The following CLCN7 variants were observed in gnomAD, a reference collection of about 807,000 sequenced individuals.
CLCN7 encodes the protein H(+)/Cl(-) exchange transporter 7.
A neutral mutation model predicts 102.1 loss-of-function variants in CLCN7; 60 were observed. That is an observed-to-expected ratio of 0.59 (90% CI 0.48 to 0.73). The LOEUF is 0.73. Among genes scored for constraint, CLCN7 ranks in the 30% least tolerant of loss-of-function variants. The probability of loss-of-function intolerance (pLI) is 0.00; values close to 1 mark genes in which losing one functional copy is unlikely to be tolerated. For missense variants in CLCN7, 962 were observed against 1,125.7 expected, an observed-to-expected ratio of 0.85 and a Z score of 2.08; for synonymous variants, 560 against 490.5, an observed-to-expected ratio of 1.14 and a Z score of -1.87.
At chr16:1,454,171 C>T (rs1389715068) in intron 13 of CLCN7, among the ~76,000 whole-genome samples, 1 of 152,274 alleles carries the variant, frequency 6.6e-6, no homozygotes, top group Non-Finnish European at 1.5e-5. Flanking sequence ...AAATCCCATC[C>T]ATCCCTGCAG....
Position 1,446,677 on chromosome 16 carries a change from C to T in CLCN7, c.2372G>A (p.Arg791His), listed in dbSNP as rs566172344. 8.2e-6 allele frequency: 13 copies of T among 1,588,270 alleles called. No individual in the cohort carries two copies. The highest frequency in any genetic ancestry group is 1.7e-4 in the Middle Eastern group (1 of 6,036). The change falls in exon 25 of 25, where the codon CGC becomes CAC. Residue 791 changes from arginine (R) to histidine (H), a missense_variant. Coordinates refer to ENST00000382745, the MANE Select transcript of CLCN7 (RefSeq NM_001287.6). Reference protein sequence around the residue: ...LVTRKDLARYRLGKRGLEELS... With the variant: ...LVTRKDLARYHLGKRGLEELS... ...CTCCTCCAAGCCTCTCTTTCCCAGGCGGTACCTGGCGAGGTCCTTCCTGGT... is the reference window on the plus strand; with the variant it reads ...CTCCTCCAAGCCTCTCTTTCCCAGGTGGTACCTGGCGAGGTCCTTCCTGGT...
intron 6 of CLCN7, 74 bp downstream of exon 6, chr16:1,460,344 G>A (rs1358978042): frequency 3.6e-6 from 4 of 1,109,898 alleles, no homozygotes; most frequent in African/African-American, 3.1e-5. Flanking sequence ...GTGAGCTGCA[G>A]GGGTTCCCGC....
Position 1,448,956 on chromosome 16 carries a change from C to T in CLCN7, c.1797+10G>A, listed in dbSNP as rs762957941. On this transcript the variant is annotated intron_variant, in intron 19 of 24. Transcript: ENST00000382745. The stretch of plus-strand genomic sequence containing the variant: ...CGCTCTCAGGGTGAGGCTTCGAGGC[C>T]CTGGCGCACCTCAATGAAGACGTCG... The T allele has an allele frequency of 2.5e-6, 4 of 1,612,244 alleles. No individual in the cohort carries two copies. In the Admixed American group the frequency reaches 6.7e-5, roughly 27 times the overall value.
At chr16:1,464,051 G>GA (rs1288053380) in intron 2 of CLCN7, among the ~76,000 whole-genome samples, 1 of 151,982 alleles carries the variant, frequency 6.6e-6, no homozygotes, top group African/African-American at 2.4e-5. Context: ...TTACAGGCAC[G>GA]AATCACCTCC....
intron 1 of CLCN7, among the ~76,000 whole-genome samples, chr16:1,469,706 AAAAAACC>A (rs958598364): frequency 3.3e-5 from 5 of 152,258 alleles, no homozygotes; most frequent in African/African-American, 7.2e-5. Context: ...AAAAATAAAC[AAAAAACC>A]AAAAACCAAA....
rs903021510 is a variant in CLCN7, at chr16:1,446,229, G to A, written c.*402C>T. The A allele has an allele frequency of 3.1e-6, 2 of 648,430 alleles. No homozygotes were observed. The highest frequency in any genetic ancestry group is 5.5e-6 in the Non-Finnish European group (2 of 361,142). The allele number at this position is 648,430 out of a possible 1,614,324, so 40.2% of individuals were successfully genotyped here. On this transcript the variant is annotated 3_prime_UTR_variant, in exon 25 of 25. Coordinates refer to ENST00000382745, the MANE Select transcript of CLCN7 (RefSeq NM_001287.6). ...GTGGAGGCAGAGGGGCCCTTCCAGGGCAGGGCAGCCCTCGGGGCAGCAGCA... is the reference window on the plus strand; with the variant it reads ...GTGGAGGCAGAGGGGCCCTTCCAGGACAGGGCAGCCCTCGGGGCAGCAGCA...
At chr16:1,452,237 G>A (rs1434258565) in intron 15 of CLCN7, 4 of 232,254 alleles carry the variant, frequency 1.7e-5, no homozygotes, top group Non-Finnish European at 2.6e-5. Context: ...CACTCCCGCC[G>A]TGGCACCCAC....
chr16:1,473,866 C>G (rs1002249371), intron 1 of CLCN7, among the ~76,000 whole-genome samples: 2 of 151,896 alleles, frequency 1.3e-5, no homozygotes, highest in Admixed American at 1.3e-4. Flanking sequence ...CGGGGGATCA[C>G]GTGAGGTCGG....
At position 1,474,870 on chromosome 16, in the gene CLCN7, C is replaced by T. The variant is rs1200063388; in HGVS notation, c.105G>A (p.Pro35=). 3 of 1,442,202 alleles carry T rather than the reference C, an allele frequency of 2.1e-6. No individual in the cohort carries two copies. The highest frequency in any genetic ancestry group is 3.1e-5 in the East Asian group (1 of 32,154). The allele number at this position is 1,442,202 out of a possible 1,614,324, so 89.3% of individuals were successfully genotyped here. A position where few individuals can be genotyped will look rare whatever the true frequency, so the allele number is the denominator to read the frequency against. ...RRTARPGGGT[P]LLNGAGPGAA... Reference sequence around the variant, plus strand: ...CCCCAGGCCCAGCCCCGTTCAGCAGCGGCGTCCCCCCGCCGGGCCGCGCCG... The same window carrying T: ...CCCCAGGCCCAGCCCCGTTCAGCAGTGGCGTCCCCCCGCCGGGCCGCGCCG... The change falls in exon 1 of 25, where the codon CCG becomes CCA. Residue 35 remains proline, a synonymous_variant. Coordinates refer to ENST00000382745, the MANE Select transcript of CLCN7 (RefSeq NM_001287.6).
intron 1 of CLCN7, among the ~76,000 whole-genome samples, chr16:1,473,314 G>A (rs1190046885): frequency 1.3e-5 from 2 of 150,970 alleles, no homozygotes; most frequent in African/African-American, 2.4e-5. Context: ...TAAGGAATTG[G>A]GAAAACCTAA....
In CLCN7 at chr16:1,474,970, G is replaced by A; in HGVS notation, c.5C>T (p.Ala2Val). Residue 2 changes from alanine (A) to valine (V), a missense_variant, in exon 1 of 25, where the codon GCC (alanine) becomes GTC (valine). Ala to Val is a moderately conservative substitution (Grantham distance 64, BLOSUM62 0). Around this residue, in one of 2 missense-constraint regions of CLCN7, gnomAD observed 163 missense variants for 137.7 expected, o/e 1.18. Transcript: ENST00000382745. ...CCAGGACACCTTCTTAGAGACGTTG[G>A]CCATGGCCCGCCGCGGAGCGACACC... is the stretch of plus-strand genomic sequence containing the variant. Reference protein sequence around the residue: MANVSKKVSWSG... With the variant: MVNVSKKVSWSG... 1 of 1,481,250 alleles carries A rather than the reference G, an allele frequency of 6.8e-7. No individual in the cohort carries two copies. The highest frequency in any genetic ancestry group is 1.3e-5 in the South Asian group (1 of 78,478). 91.8% of individuals were successfully genotyped at this position (1,481,250 alleles called of 1,614,324 possible). A position where few individuals can be genotyped will look rare whatever the true frequency, so the allele number is the denominator to read the frequency against.
rs2038638501 is a variant in CLCN7, at chr16:1,446,298, G to A, written c.*333C>T. 4.3e-6 allele frequency: 3 copies of A among 699,614 alleles called. No homozygotes were observed. Among genetic ancestry groups the A allele is most frequent in the Middle Eastern group, 3.0e-4 (1 of 3,364 alleles). 43.3% of individuals were successfully genotyped at this position (699,614 alleles called of 1,614,324 possible). On this transcript the variant is annotated 3_prime_UTR_variant, in exon 25 of 25. Transcript: ENST00000382745. ...CACGCACACGGGCACAGGCACGCAG[G>A]TGCCGGCCCTGCCGCTGGCTCCCAA...
intron 2 of CLCN7, among the ~76,000 whole-genome samples, chr16:1,463,244 C>T (rs993533317): frequency 2.1e-4 from 32 of 152,220 alleles, no homozygotes; most frequent in African/African-American, 7.5e-4. Flanking sequence ...TAGGAAAAAA[C>T]GGGTCAGTCG....
At chr16:1,453,382 T>G (rs2038784999) in intron 14 of CLCN7, among the ~76,000 whole-genome samples, 1 of 152,114 alleles carries the variant, frequency 6.6e-6, no homozygotes, top group South Asian at 2.1e-4. Flanking sequence ...GGGTAAAGAC[T>G]CCTCGGCAGC....
In CLCN7 at chr16:1,457,275, C is replaced by T. The variant is rs61743590; in HGVS notation, c.801G>A (p.Thr267=). The stretch of plus-strand genomic sequence containing the variant: ...TCACCTTGAAATCTCGTTTCAGTGA[C>T]GTTGACCTTCCCTGAGAGATCCCGG... The part of the protein sequence containing the change: ...IAAGISQGRS[T]SLKRDFKIFE... Residue 267 remains threonine (T), a synonymous_variant, in exon 9 of 25, where the codon ACG becomes ACA. Coordinates refer to ENST00000382745, the MANE Select transcript of CLCN7 (RefSeq NM_001287.6). This position sits in a 1 kb window ranked among gnomAD's most constrained non-coding sequence, Gnocchi z 5.4. The T allele has an allele frequency of 0.018, 28,690 of 1,613,894 alleles. 307 individuals are homozygous for T. Among genetic ancestry groups the T allele is most frequent in the Middle Eastern group, 0.026 (156 of 6,062 alleles).
intron 17 of CLCN7, chr16:1,450,137 G>C (rs2038721455): frequency 2.6e-5 from 9 of 341,656 alleles, no homozygotes; most frequent in South Asian, 2.3e-4. Context: ...TCTGGCCCCC[G>C]GCCTCACAGA....
At position 1,457,131 on chromosome 16, in the gene CLCN7, G is replaced by T; in HGVS notation, c.822+123C>A. ...GCTGGCTCTGGGAGCCACCCGCCAG[G>T]CTGTCCTCAGATGGGGCTGGGGCTC... On this transcript the variant is annotated intron_variant, in intron 9 of 24. Coordinates refer to ENST00000382745, the MANE Select transcript of CLCN7 (RefSeq NM_001287.6). This position sits in a 1 kb window ranked among gnomAD's most constrained non-coding sequence, Gnocchi z 5.4. 1.1e-6 allele frequency: 1 copy of T among 934,492 alleles called. No homozygotes were observed. The highest frequency in any genetic ancestry group is 1.7e-6 in the Non-Finnish European group (1 of 578,648). 57.9% of individuals were successfully genotyped at this position (934,492 alleles called of 1,614,324 possible).
At chr16:1,448,146 C>A in intron 21 of CLCN7, 1 of 714,654 alleles carries the variant, frequency 1.4e-6, no homozygotes, top group Non-Finnish European at 2.3e-6. Context: ...GGTGCCAACC[C>A]CAAGACCCTG....
intron 3 of CLCN7, 45 bp from the exon 4 acceptor site, chr16:1,461,515 G>C: frequency 6.2e-7 from 1 of 1,600,610 alleles, no homozygotes; most frequent in Admixed American, 1.7e-5. Context: ...CCGAACCCAC[G>C]CTCTGGGTGC....
Sources: allele counts gnomAD v4.1 joint callset (sites outside exome capture counted in the v4.1 genomes callset), GRCh38; gene constraint gnomAD v4.1.1; regional missense constraint gnomAD v4.1.1; non-coding constraint Gnocchi (gnomAD v3.1); transcripts MANE v1.5; gene names NCBI Gene and HGNC (gene_info 2026-07-23, HGNC 2026-07-21).